The following TCF7L1 variants were observed in gnomAD, a reference collection of about 807,000 sequenced individuals.
TCF7L1 encodes transcription factor 7 like 1.
TCF7L1 carries 18 observed loss-of-function variants against 63.7 expected under a neutral mutation model. The observed-to-expected ratio is 0.28, with a 90% CI of 0.20 to 0.42. The LOEUF is 0.42. Ranked by LOEUF, TCF7L1 falls within the 10% of genes least tolerant of loss-of-function variation. The pLI, the probability that TCF7L1 is intolerant of heterozygous loss-of-function variation, is 1.00. For missense variants in TCF7L1, 654 were observed against 779.3 expected (o/e 0.84, Z 1.91); for synonymous variants, 355 against 340.9 (o/e 1.04, Z -0.46).
At chr2:85,290,208 T>A (rs553463912) in intron 4 of TCF7L1, among the ~76,000 whole-genome samples, 2 of 152,180 alleles carry the variant, frequency 1.3e-5, no homozygotes, top group Non-Finnish European at 2.9e-5. Context: ...CTTGAACTCC[T>A]GACCTCAGGT....
intron 3 of TCF7L1, among the ~76,000 whole-genome samples, chr2:85,269,199 C>T (rs1364036824): frequency 6.6e-6 from 1 of 152,200 alleles, no homozygotes; most frequent in Non-Finnish European, 1.5e-5. Flanking sequence ...TGGATGGCCA[C>T]AAACATGCAG....
rs556073010 is a variant in TCF7L1, at chr2:85,298,499, A to T, written c.526-3985A>T. On this transcript the variant is annotated intron_variant, in intron 4 of 11. Transcript: ENST00000282111. ...TCTGTCTCAAAAAAAAAAAAAAAAA[A>T]AAAGCATGTGAGAGAGGACACATGG... 3.3e-4 allele frequency among the ~76,000 whole-genome samples: 50 copies of T among 150,602 alleles called. No homozygotes were observed. The South Asian group carries it at 9.9e-3, about 30-fold the overall frequency.
chr2:85,187,524 G>A (rs13432342), intron 3 of TCF7L1, among the ~76,000 whole-genome samples: 21,234 of 152,240 alleles, frequency 0.14, 1,736 homozygotes, highest in African/African-American at 0.2. Context: ...AAGGTGTAAT[G>A]TTTAGGTTGA....
At chr2:85,172,529 C>T (rs887932938) in intron 3 of TCF7L1, among the ~76,000 whole-genome samples, 12 of 152,132 alleles carry the variant, frequency 7.9e-5, no homozygotes, top group South Asian at 4.1e-4. Context: ...CAGGTTCAAG[C>T]GATTCTCCTG....
intron 4 of TCF7L1, among the ~76,000 whole-genome samples, chr2:85,298,350 G>A (rs565502241): frequency 6.6e-6 from 1 of 151,512 alleles, no homozygotes; most frequent in Admixed American, 6.6e-5. Flanking sequence ...AATTAGCTGG[G>A]CATGGTGGCG....
At position 85,153,340 on chromosome 2, in the gene TCF7L1, A is replaced by ATGTTTTTTTTTTTTTTTTT. The variant is rs750002994; in HGVS notation, c.441+18891_441+18892insGTTTTTTTTTTTTTTTTTT. On this transcript the variant is annotated intron_variant, in intron 3 of 11. Transcript: ENST00000282111. The stretch of plus-strand genomic sequence containing the variant: ...TTCATGATCTTGCTAGCCTTTATAA[A>ATGTTTTTTTTTTTTTTTTT]TTTTTTTTTTTTTTTTTTTGAGATG... 2.8e-3 allele frequency among the ~76,000 whole-genome samples: 282 copies of ATGTTTTTTTTTTTTTTTTT among 102,258 alleles called. 12 individuals carry two copies. The highest frequency in any genetic ancestry group is 5.2e-3 in the Middle Eastern group (1 of 194). 67.1% of individuals were successfully genotyped at this position (102,258 alleles called of 152,430 possible).
At chr2:85,294,461 G>T (rs1681800822) in intron 4 of TCF7L1, among the ~76,000 whole-genome samples, 1 of 152,158 alleles carries the variant, frequency 6.6e-6, no homozygotes, top group African/African-American at 2.4e-5. Context: ...AAGTTTCCAG[G>T]TGATGCTTAT....
intron 4 of TCF7L1, among the ~76,000 whole-genome samples, chr2:85,298,793 G>A (rs990890930): frequency 6.6e-6 from 1 of 152,062 alleles, no homozygotes; most frequent in African/African-American, 2.4e-5. Context: ...CCTAGTCCTC[G>A]GTTTGGGTAT....
rs776837168 is a variant in TCF7L1 at position 85,302,469 on chromosome 2, T to C, written c.526-15T>C. On this transcript the variant is annotated splice_polypyrimidine_tract_variant and intron_variant, in intron 4 of 11. Transcript: ENST00000282111. ...CTCCTTGGCAACCATTCCTGGTCTT[T>C]TTTGTCTCTTTCAGTCTAATAAAGT... 5.0e-6 allele frequency: 8 copies of C among 1,613,978 alleles called. No homozygotes were observed. The African/African-American group carries it at 8.0e-5, about 16-fold the overall frequency.
intron 3 of TCF7L1, among the ~76,000 whole-genome samples, chr2:85,141,193 C>G (rs1304495586): frequency 6.7e-6 from 1 of 149,946 alleles, no homozygotes; most frequent in South Asian, 2.2e-4. Flanking sequence ...TATGATTGTG[C>G]CACTGCACCC....
At chr2:85,286,726 C>T (rs1396527335) in intron 4 of TCF7L1, among the ~76,000 whole-genome samples, 3 of 152,112 alleles carry the variant, frequency 2.0e-5, no homozygotes, top group Admixed American at 6.5e-5. Flanking sequence ...AACTCCCAAC[C>T]TCAGGTGATC....
chr2:85,256,138 C>A (rs1680711648), intron 3 of TCF7L1, among the ~76,000 whole-genome samples: 1 of 152,182 alleles, frequency 6.6e-6, no homozygotes, highest in Non-Finnish European at 1.5e-5. Context: ...CGGCCTTGTG[C>A]TAATCTTGCT....
intron 3 of TCF7L1, among the ~76,000 whole-genome samples, chr2:85,217,971 A>T (rs1216283157): frequency 2.0e-5 from 3 of 152,142 alleles, no homozygotes; most frequent in South Asian, 4.1e-4. Flanking sequence ...TATCAAAATA[A>T]TTTTTTTCTT....
chr2:85,188,312 C>A (rs74935588), intron 3 of TCF7L1, among the ~76,000 whole-genome samples: 10,960 of 152,236 alleles, frequency 0.072, 394 homozygotes, highest in Non-Finnish European at 0.092. Context: ...TGAGAAAGTT[C>A]TGTGGAGTGT....
intron 4 of TCF7L1, among the ~76,000 whole-genome samples, chr2:85,284,367 C>G (rs1053166055): frequency 2.6e-5 from 4 of 152,194 alleles, no homozygotes; most frequent in African/African-American, 9.7e-5. Flanking sequence ...CGTATGCAAA[C>G]AAATGCTCCT....
At chr2:85,181,473 C>T (rs991508166) in intron 3 of TCF7L1, among the ~76,000 whole-genome samples, 6 of 151,852 alleles carry the variant, frequency 4.0e-5, no homozygotes, top group Non-Finnish European at 7.4e-5. Context: ...GCAAGTAGCC[C>T]GGAGGAAAAA....
chr2:85,258,434 C>T (rs940124537), intron 3 of TCF7L1, among the ~76,000 whole-genome samples: 1 of 152,094 alleles, frequency 6.6e-6, no homozygotes, highest in Non-Finnish European at 1.5e-5. Context: ...CTCGCGTTTG[C>T]CTGGGGCTGA....
chr2:85,298,710 C>G (rs1246466192), intron 4 of TCF7L1, among the ~76,000 whole-genome samples: 1 of 152,106 alleles, frequency 6.6e-6, no homozygotes, highest in African/African-American at 2.4e-5. Flanking sequence ...GCCATGCACA[C>G]CCATGCCCAC....
intron 3 of TCF7L1, among the ~76,000 whole-genome samples, chr2:85,276,735 T>A (rs115246618): frequency 3.3e-5 from 5 of 152,234 alleles, no homozygotes; most frequent in African/African-American, 1.2e-4. Context: ...GGGACAGGGT[T>A]TCAACACATC....
Sources: allele counts gnomAD v4.1 joint callset (sites outside exome capture counted in the v4.1 genomes callset), GRCh38; gene constraint gnomAD v4.1.1; transcripts MANE v1.5; gene names NCBI Gene and HGNC (gene_info 2026-07-23, HGNC 2026-07-21).